The following STX7 variants were observed in gnomAD, a reference collection of about 807,000 sequenced individuals.
The protein encoded by STX7 is syntaxin-7.
In STX7, 34 loss-of-function variants were observed where a neutral mutation model predicts 39.6. The ratio of observed to expected loss-of-function variants is 0.86; its 90% CI spans 0.65 to 1.14. The LOEUF is 1.14. Among genes scored for constraint, STX7 ranks in the 50% most tolerant of loss-of-function variants. The probability of loss-of-function intolerance (pLI) is 0.00; values close to 1 mark genes in which losing one functional copy is unlikely to be tolerated. For synonymous variants in STX7, 119 were observed against 99.1 expected, an observed-to-expected ratio of 1.20 and a Z score of -1.19; for missense variants, 284 against 310.4, an observed-to-expected ratio of 0.92 and a Z score of 0.64.
intron 8 of STX7, among the ~76,000 whole-genome samples, chr6:132,466,799 T>C (rs1006596001): frequency 1.3e-5 from 2 of 152,200 alleles, no homozygotes; most frequent in African/African-American, 4.8e-5. Flanking sequence ...TATACCCATC[T>C]AAGCCTGCTC....
Position 132,453,196 on chromosome 6 carries a change from C to T in STX7, c.*7562G>A, listed in dbSNP as rs1389414452. 4.6e-5 allele frequency: 7 copies of T among 151,712 alleles called. No homozygotes were observed. The highest frequency in any genetic ancestry group is 1.0e-4 in the Non-Finnish European group (7 of 67,882). The allele number at this position is 151,712 out of a possible 1,614,324, so 9.4% of individuals were successfully genotyped here. A position where few individuals can be genotyped will look rare whatever the true frequency, so the allele number is the denominator to read the frequency against. Reference sequence around the variant, plus strand: ...GTTGGAGTAATTGAATATCCATAGGCAACAACAAAAAAAATGAACCCAGAC... The same window carrying T: ...GTTGGAGTAATTGAATATCCATAGGTAACAACAAAAAAAATGAACCCAGAC... On this transcript the variant is annotated 3_prime_UTR_variant, in exon 10 of 10. Transcript: ENST00000367941.
chr6:132,503,548 G>A lies in STX7; in HGVS notation c.-18C>T, dbSNP rs757402917. The stretch of plus-strand genomic sequence containing the variant: ...TAAGACATGGTTGATGTTCTTATTC[G>A]CTAATTTCATCAGATGCTGTGCAGT... On this transcript the variant is annotated 5_prime_UTR_variant, in exon 2 of 10. Transcript: ENST00000367941. The A allele has an allele frequency of 1.9e-5, 31 of 1,602,792 alleles. No individual in the cohort carries two copies. Among genetic ancestry groups the A allele is most frequent in the Middle Eastern group, 1.7e-4 (1 of 6,050 alleles).
At position 132,460,704 on chromosome 6, in the gene STX7, A is replaced by C; in HGVS notation, c.*54T>G. 7.8e-7 allele frequency: 1 copy of C among 1,279,992 alleles called. No individual in the cohort carries two copies. Among genetic ancestry groups the C allele is most frequent in the Non-Finnish European group, 1.1e-6 (1 of 899,762 alleles). The allele number at this position is 1,279,992 out of a possible 1,614,324, so 79.3% of individuals were successfully genotyped here. The stretch of plus-strand genomic sequence containing the variant: ...ATAATTAAAAAAACATGATTACAGG[A>C]ATCTTCCTACATAATTTAGACAATG... On this transcript the variant is annotated 3_prime_UTR_variant, in exon 10 of 10. Transcript: ENST00000367941.
At position 132,466,724 on chromosome 6, in the gene STX7, T is replaced by G. The variant is rs138577010; in HGVS notation, c.610+1679A>C. Among the ~76,000 whole-genome samples, 299 of 152,268 alleles carry G rather than the reference T, an allele frequency of 2.0e-3. 1 individual carries two copies. The highest frequency in any genetic ancestry group is 0.017 in the Middle Eastern group (5 of 294). ...GAACTCCATGTTCACTTTAATAATG[T>G]CAAGAAAACCTTCACTTGGTGTAAA... On this transcript the variant is annotated intron_variant, in intron 8 of 9. Transcript: ENST00000367941.
chr6:132,505,753 A>AAAAC (rs1775686577), intron 1 of STX7, among the ~76,000 whole-genome samples: 2 of 148,516 alleles, frequency 1.3e-5, no homozygotes, highest in Non-Finnish European at 3.0e-5. Context: ...AAAAAAAAAA[A>AAAAC]AAAAAAAAAA....
chr6:132,502,682 G>A (rs375608476), intron 2 of STX7, among the ~76,000 whole-genome samples: 21 of 152,228 alleles, frequency 1.4e-4, no homozygotes, highest in African/African-American at 5.1e-4. Context: ...GGAGGATCAC[G>A]AAGTCAGGAG....
intron 8 of STX7, 54 bp downstream of exon 8, chr6:132,468,349 G>GTAAA (rs1416957532): frequency 7.4e-5 from 101 of 1,357,204 alleles, no homozygotes; most frequent in Non-Finnish European, 1.0e-4. Context: ...GTTACAGCAG[G>GTAAA]TAAAGTGCAT....
At chr6:132,502,968 G>A (rs775443608) in intron 2 of STX7, among the ~76,000 whole-genome samples, 8 of 151,638 alleles carry the variant, frequency 5.3e-5, no homozygotes, top group Non-Finnish European at 1.0e-4. Context: ...AGATTAAAAC[G>A]TCCTCTCCTT....
intron 1 of STX7, among the ~76,000 whole-genome samples, chr6:132,508,218 C>T (rs1775755960): frequency 6.6e-6 from 1 of 152,200 alleles, no homozygotes; most frequent in Non-Finnish European, 1.5e-5. Context: ...GAGGCCTACT[C>T]TCTCTCCCAT....
At chr6:132,497,415 G>C (rs1562337410) in intron 2 of STX7, among the ~76,000 whole-genome samples, 5 of 152,104 alleles carry the variant, frequency 3.3e-5, no homozygotes, top group Admixed American at 3.3e-4. Context: ...GGGCATGAAG[G>C]GGTGTAAGCA....
intron 2 of STX7, among the ~76,000 whole-genome samples, chr6:132,498,855 C>T (rs2842887): frequency 6.0e-4 from 91 of 152,290 alleles, no homozygotes; most frequent in African/African-American, 2.1e-3. Flanking sequence ...CTAAACTCCC[C>T]TTCATTTAGA....
rs990876375 is a variant in STX7, at chr6:132,458,386, T to C, written c.*2372A>G. 1 of 152,212 alleles carries C rather than the reference T, an allele frequency of 6.6e-6. No individual in the cohort carries two copies. Among genetic ancestry groups the C allele is most frequent in the African/African-American group, 2.4e-5 (1 of 41,456 alleles). 9.4% of individuals were successfully genotyped at this position (152,212 alleles called of 1,614,324 possible). A position where few individuals can be genotyped will look rare whatever the true frequency, so the allele number is the denominator to read the frequency against. ...CATCACTCTTTTACCATCAATCATA[T>C]TGCAAAACCATAGTATTTAACGACC... On this transcript the variant is annotated 3_prime_UTR_variant, in exon 10 of 10. Coordinates refer to ENST00000367941, the MANE Select transcript of STX7 (RefSeq NM_003569.3).
intron 3 of STX7, among the ~76,000 whole-genome samples, chr6:132,472,810 CCT>C (rs1203254077): frequency 2.0e-5 from 3 of 152,064 alleles, no homozygotes; most frequent in African/African-American, 7.2e-5. Flanking sequence ...TTATATCTGG[CCT>C]CTCTTATTTC....
intron 2 of STX7, among the ~76,000 whole-genome samples, chr6:132,497,680 G>A (rs1190302993): frequency 6.6e-6 from 1 of 152,120 alleles, no homozygotes; most frequent in Non-Finnish European, 1.5e-5. Flanking sequence ...GTTTGTGTTT[G>A]GGCAAGGATG....
chr6:132,490,374 G>C lies in STX7; in HGVS notation c.85+13072C>G, dbSNP rs149265063. Among the ~76,000 whole-genome samples, 46 of 152,272 alleles carry C rather than the reference G, an allele frequency of 3.0e-4. No homozygotes were observed. In the East Asian group the frequency reaches 5.0e-3, roughly 17 times the overall value. On this transcript the variant is annotated intron_variant, in intron 2 of 9. Transcript: ENST00000367941. Reference sequence around the variant, plus strand: ...TCAGTTCTAACTGCCAACACATGCTGGCAGCTGTTTCTAAAACACTGAAAA... The same window carrying C: ...TCAGTTCTAACTGCCAACACATGCTCGCAGCTGTTTCTAAAACACTGAAAA...
At chr6:132,485,470 A>G (rs1775110066) in intron 2 of STX7, among the ~76,000 whole-genome samples, 1 of 152,180 alleles carries the variant, frequency 6.6e-6, no homozygotes, top group South Asian at 2.1e-4. Flanking sequence ...TAAAGCTCCT[A>G]TAAGTATATG....
At chr6:132,482,747 T>C (rs2114414901) in intron 2 of STX7, among the ~76,000 whole-genome samples, 1 of 152,316 alleles carries the variant, frequency 6.6e-6, no homozygotes, top group African/African-American at 2.4e-5. Flanking sequence ...GGTCTGGCAG[T>C]GGATCACAAG....
At chr6:132,460,918 C>A in intron 9 of STX7, 68 bp from the exon 10 acceptor site, 7 of 1,331,532 alleles carry the variant, frequency 5.3e-6, no homozygotes, top group Non-Finnish European at 7.4e-6. Flanking sequence ...ACCTCTACAG[C>A]AACTAAAAAT....
intron 2 of STX7, among the ~76,000 whole-genome samples, chr6:132,484,913 T>C (rs1430919795): frequency 6.6e-6 from 1 of 152,142 alleles, no homozygotes; most frequent in Non-Finnish European, 1.5e-5. Context: ...ACAATATAGG[T>C]AGGCACCGTG....
Sources: allele counts gnomAD v4.1 joint callset (sites outside exome capture counted in the v4.1 genomes callset), GRCh38; gene constraint gnomAD v4.1.1; transcripts MANE v1.5; gene names NCBI Gene and HGNC (gene_info 2026-07-23, HGNC 2026-07-21).